The following LRP2 variants were observed in gnomAD, a reference collection of about 807,000 sequenced individuals.
LRP2 encodes low-density lipoprotein receptor-related protein 2.
A neutral mutation model predicts 531.0 loss-of-function variants in LRP2; 172 were observed. That is an observed-to-expected ratio of 0.32 (90% CI 0.29 to 0.37). The LOEUF (loss-of-function observed/expected upper bound fraction) is 0.37, where lower values mean the gene tolerates loss of function less well. LRP2 is among the 10% of genes least tolerant of loss of function. The pLI, the probability that LRP2 is intolerant of heterozygous loss-of-function variation, is 1.00. For missense variants in LRP2, 5,167 were observed against 5,868.3 expected (o/e 0.88, Z 3.90); for synonymous variants, 1,992 against 2,027.6 (o/e 0.98, Z 0.47).
Position 169,247,423 on chromosome 2 carries a change from C to T in LRP2, c.2863G>A (p.Ala955Thr). 6.2e-7 allele frequency: 1 copy of T among 1,614,132 alleles called. No individual in the cohort carries two copies. Reference sequence around the variant, plus strand: ...TACGATTTCAAATGCAGTATGTAAGCAATGCCACTTCGGATAACTGTCATT... The same window carrying T: ...TACGATTTCAAATGCAGTATGTAAGTAATGCCACTTCGGATAACTGTCATT... ...GEMTVIRSGIAYILHLKSYDV... is the reference protein window; with the variant it reads ...GEMTVIRSGITYILHLKSYDV... Residue 955 changes from alanine to threonine, a missense_variant, in exon 20 of 79, where the codon GCT (alanine) becomes ACT (threonine). By Grantham distance (58) the Ala-to-Thr change is moderately conservative. Around this residue, in one of 6 missense-constraint regions of LRP2, gnomAD observed 2,811 missense variants for 3,058.0 expected, o/e 0.92. Coordinates refer to ENST00000649046, the MANE Select transcript of LRP2 (RefSeq NM_004525.3).
intron 9 of LRP2, among the ~76,000 whole-genome samples, chr2:169,285,970 G>A (rs1050480726): frequency 6.6e-6 from 1 of 152,144 alleles, no homozygotes; most frequent in Non-Finnish European, 1.5e-5. Context: ...CCATGCAGAG[G>A]GTTATAGCCA....
At chr2:169,142,919 G>A (rs563026128) in intron 70 of LRP2, 126 bp from the exon 71 acceptor site, 17 of 996,842 alleles carry the variant, frequency 1.7e-5, no homozygotes, top group East Asian at 5.1e-5. Flanking sequence ...TCTCGTCCAC[G>A]TGTCAGCTGG....
intron 4 of LRP2, among the ~76,000 whole-genome samples, chr2:169,299,488 A>G (rs747166989): frequency 6.6e-5 from 10 of 151,728 alleles, no homozygotes; most frequent in Non-Finnish European, 1.3e-4. Flanking sequence ...TAACAGAGCT[A>G]TCACCAAAAA....
intron 1 of LRP2, among the ~76,000 whole-genome samples, chr2:169,331,020 A>G (rs1290538567): frequency 6.6e-6 from 1 of 152,164 alleles, no homozygotes; most frequent in Non-Finnish European, 1.5e-5. Flanking sequence ...AGAGTGATAA[A>G]GAATCTAATT....
Position 169,166,007 on chromosome 2 carries a change from G to T in LRP2, c.11683C>A (p.Arg3895Ser). Residue 3895 changes from arginine to serine, a missense_variant, in exon 62 of 79, where the codon CGC becomes AGC. By Grantham distance (110) the Arg-to-Ser change is moderately radical. Transcript: ENST00000649046. ...CACACCTCATGACTATAAATGCAGC[G>T]ATTGTTGTCACACCGGAAACGGTTT... ...SPNRFRCDNN[R>S]CIYSHEVCNG... The T allele has an allele frequency of 6.2e-7, 1 of 1,613,978 alleles. No homozygotes were observed. The highest frequency in any genetic ancestry group is 8.5e-7 in the Non-Finnish European group (1 of 1,179,914).
intron 13 of LRP2, among the ~76,000 whole-genome samples, chr2:169,277,126 G>A (rs1683576631): frequency 6.7e-6 from 1 of 149,466 alleles, no homozygotes; most frequent in African/African-American, 2.5e-5. Context: ...CTTGGGAGGT[G>A]GAGTTTGCAG....
At chr2:169,216,451 A>C (rs1410240094) in intron 34 of LRP2, 21 bp from the exon 35 acceptor site, 1 of 1,612,260 alleles carries the variant, frequency 6.2e-7, no homozygotes, top group Non-Finnish European at 8.5e-7. Context: ...GAAAAACACC[A>C]GCATGTAACA....
At chr2:169,332,231 C>T (rs1356493155) in intron 1 of LRP2, among the ~76,000 whole-genome samples, 3 of 152,170 alleles carry the variant, frequency 2.0e-5, no homozygotes, top group Non-Finnish European at 4.4e-5. Flanking sequence ...TCCCCATAGT[C>T]ATAGGCTAAA....
chr2:169,196,342 G>T (rs752768075), intron 46 of LRP2, among the ~76,000 whole-genome samples: 5 of 152,306 alleles, frequency 3.3e-5, no homozygotes, highest in Admixed American at 1.3e-4. Context: ...TTACAATTAT[G>T]TAAAAAATGT....
In LRP2 at chr2:169,352,634, G is replaced by A. The variant is rs374698701; in HGVS notation, c.79+9687C>T. 4.6e-5 allele frequency among the ~76,000 whole-genome samples: 7 copies of A among 152,218 alleles called. No homozygotes were observed. In the South Asian group the frequency reaches 1.0e-3, roughly 23 times the overall value. ...CTATCACTGATGGGCATTTGGGTTG[G>A]TTGTGGCACATATGCACCATGGAAT... On this transcript the variant is annotated intron_variant, in intron 1 of 78. Transcript: ENST00000649046.
chr2:169,154,506 A>G lies in LRP2; in HGVS notation c.12249T>C (p.Tyr4083=), dbSNP rs768850975. 1 of 1,612,994 alleles carries G rather than the reference A, an allele frequency of 6.2e-7. No homozygotes were observed. Among genetic ancestry groups the G allele is most frequent in the Non-Finnish European group, 8.5e-7 (1 of 1,179,044 alleles). ...CCCAATCATAATCAACAGCTTGGAT[A>G]TATTCCTCATCTTGAAGATACTCTG... ...RFSEYLQDEE[Y]IQAVDYDWDP... is the part of the protein sequence containing the mutation. The change falls in exon 66 of 79, where the codon TAT becomes TAC. Residue 4083 remains tyrosine (Y), a synonymous_variant. Transcript: ENST00000649046.
At chr2:169,268,603 C>T (rs1479090092) in intron 16 of LRP2, among the ~76,000 whole-genome samples, 2 of 152,172 alleles carry the variant, frequency 1.3e-5, no homozygotes, top group Non-Finnish European at 2.9e-5. Context: ...GGATGTATCT[C>T]AAAATAATAA....
intron 3 of LRP2, 101 bp from the exon 4 acceptor site, chr2:169,307,498 G>C: frequency 1.3e-6 from 1 of 767,874 alleles, no homozygotes; most frequent in African/African-American, 1.7e-5. Flanking sequence ...AGTTCATAGG[G>C]ACACAAGGTA....
chr2:169,270,712 A>G (rs1211675165), intron 16 of LRP2, among the ~76,000 whole-genome samples, 192 bp downstream of exon 16: 1 of 151,726 alleles, frequency 6.6e-6, no homozygotes, highest in African/African-American at 2.4e-5. Context: ...TATGTAACAA[A>G]CCTGCACGTT....
At chr2:169,288,028 C>A (rs572093056) in intron 9 of LRP2, among the ~76,000 whole-genome samples, 8 of 152,198 alleles carry the variant, frequency 5.3e-5, no homozygotes, top group African/African-American at 1.9e-4. Context: ...AATTCTGAAT[C>A]ATTTTGGAGC....
At chr2:169,182,358 T>A in intron 50 of LRP2, 39 bp from the exon 51 acceptor site, 1 of 1,610,336 alleles carries the variant, frequency 6.2e-7, no homozygotes, top group African/African-American at 1.3e-5. Flanking sequence ...TACAGTCACT[T>A]TGTGAAATGG....
At chr2:169,281,356 A>T (rs1683699263) in intron 10 of LRP2, among the ~76,000 whole-genome samples, 1 of 152,162 alleles carries the variant, frequency 6.6e-6, no homozygotes, top group African/African-American at 2.4e-5. Flanking sequence ...CGAGAGGCGG[A>T]GATTGCAGTG....
chr2:169,247,428 C>T lies in LRP2; in HGVS notation c.2858G>A (p.Gly953Asp), dbSNP rs1690054326. The T allele has an allele frequency of 6.2e-6, 10 of 1,613,918 alleles. No individual in the cohort carries two copies. Among genetic ancestry groups the T allele is most frequent in the Non-Finnish European group, 6.8e-6 (8 of 1,179,916 alleles). Reference sequence around the variant, plus strand: ...TTTCAAATGCAGTATGTAAGCAATGCCACTTCGGATAACTGTCATTTCTCC... The same window carrying T: ...TTTCAAATGCAGTATGTAAGCAATGTCACTTCGGATAACTGTCATTTCTCC... ...DGGEMTVIRS[G>D]IAYILHLKSY... Residue 953 changes from glycine (G) to aspartate (D), a missense_variant, in exon 20 of 79, where the codon GGC becomes GAC. Gly to Asp is a moderately conservative substitution (Grantham distance 94). Around this residue, in one of 6 missense-constraint regions of LRP2, gnomAD observed 2,811 missense variants for 3,058.0 expected, o/e 0.92. Transcript: ENST00000649046.
At chr2:169,256,053 T>C (rs899627141) in intron 19 of LRP2, 53 bp downstream of exon 19, 12 of 1,590,380 alleles carry the variant, frequency 7.5e-6, no homozygotes, top group Admixed American at 5.0e-5. Flanking sequence ...AGTTTACTAT[T>C]GTAACTTGCA....
Sources: gnomAD v4.1 joint callset for allele counts (sites outside exome capture counted in the v4.1 genomes callset) on GRCh38, gnomAD v4.1.1 for gene constraint, gnomAD v4.1.1 regional missense constraint, MANE v1.5 for transcripts, NCBI Gene and HGNC (gene_info 2026-07-23, HGNC 2026-07-21) for gene names.